The following SSH3 variants were observed in gnomAD, a reference collection of about 807,000 sequenced individuals.
SSH3 encodes slingshot protein phosphatase 3.
A neutral mutation model predicts 75.0 loss-of-function variants in SSH3; 67 were observed. The observed-to-expected ratio is 0.89, with a 90% CI of 0.73 to 1.10. The LOEUF is 1.10. SSH3 is among the 50% of genes least tolerant of loss of function. SSH3 has a pLI of 0.00. For missense variants in SSH3, 824 were observed against 872.7 expected, an observed-to-expected ratio of 0.94 and a Z score of 0.70; for synonymous variants, 318 against 349.2, an observed-to-expected ratio of 0.91 and a Z score of 1.00.
In SSH3 at chr11:67,306,969, G is replaced by C; in HGVS notation, c.464+7G>C. 1 of 1,612,404 alleles carries C rather than the reference G, an allele frequency of 6.2e-7. No homozygotes were observed. Among genetic ancestry groups the C allele is most frequent in the Non-Finnish European group, 8.5e-7 (1 of 1,178,586 alleles). On this transcript the variant is annotated splice_region_variant and intron_variant, in intron 4 of 13. Transcript: ENST00000308127. ...TGGATTTCCCTGACAGCAGGTTCGA[G>C]CAGGGAGAGGAAAGGAGGGGCAAAG...
chr11:67,303,534 G>A lies in SSH3; in HGVS notation c.-92G>A. On this transcript the variant is annotated 5_prime_UTR_variant, in exon 1 of 14. Coordinates refer to ENST00000308127, the MANE Select transcript of SSH3 (RefSeq NM_017857.4). ...GTGCCAGGCCCGGGTGGCGCCGTCCGTCCTTCCTGGTCCTGCGGGTCCAGG... is the reference window on the plus strand; with the variant it reads ...GTGCCAGGCCCGGGTGGCGCCGTCCATCCTTCCTGGTCCTGCGGGTCCAGG... 1.5e-6 allele frequency: 2 copies of A among 1,328,138 alleles called. No homozygotes were observed. The highest frequency in any genetic ancestry group is 2.0e-6 in the Non-Finnish European group (2 of 986,300). 82.3% of individuals were successfully genotyped at this position (1,328,138 alleles called of 1,614,324 possible).
chr11:67,307,179 G>A lies in SSH3; in HGVS notation c.536+66G>A. On this transcript the variant is annotated intron_variant, in intron 5 of 13. Transcript: ENST00000308127. The surrounding 1 kb of genome is among the most constrained non-coding windows in gnomAD (Gnocchi z 4.2). ...TAACTGAGTGTGACGGATGTGACGGGGCCTGGGCACCAGGGTACAGTAGAA... is the reference window on the plus strand; with the variant it reads ...TAACTGAGTGTGACGGATGTGACGGAGCCTGGGCACCAGGGTACAGTAGAA... 1 of 1,595,964 alleles carries A rather than the reference G, an allele frequency of 6.3e-7. No individual in the cohort carries two copies. Among genetic ancestry groups the A allele is most frequent in the Non-Finnish European group, 8.5e-7 (1 of 1,171,882 alleles).
rs1861276922 is a variant in SSH3 at position 67,307,430 on chromosome 11, C to T, written c.596C>T (p.Thr199Ile). 1.2e-6 allele frequency: 2 copies of T among 1,614,056 alleles called. No individual in the cohort carries two copies. The highest frequency in any genetic ancestry group is 2.2e-5 in the South Asian group (2 of 91,082). Residue 199 changes from threonine (T) to isoleucine (I), a missense_variant, in exon 6 of 14, where the codon ACC becomes ATC. Physicochemically the swap from Thr to Ile is moderately conservative, Grantham distance 89 (BLOSUM62 -1). Coordinates refer to ENST00000308127, the MANE Select transcript of SSH3 (RefSeq NM_017857.4). The surrounding 1 kb of genome is among the most constrained non-coding windows in gnomAD (Gnocchi z 4.2). ...SRIFKPISIQ[T>I]MWATLQVLHQ... ...ATCTTCAAGCCCATCTCCATCCAGA[C>T]CATGTGGTAAGGACAGAGACTGCCT...
chr11:67,304,333 C>T (rs1263191454), intron 2 of SSH3, among the ~76,000 whole-genome samples, 178 bp downstream of exon 2: 5 of 152,230 alleles, frequency 3.3e-5, no homozygotes, highest in East Asian at 1.9e-4. Flanking sequence ...GTAGGGCGGC[C>T]TTTGCCTTCA....
intron 3 of SSH3, among the ~76,000 whole-genome samples, chr11:67,305,430 C>T (rs931265466): frequency 3.9e-5 from 6 of 152,084 alleles, no homozygotes; most frequent in Admixed American, 2.0e-4. Flanking sequence ...CCTCGTGATC[C>T]GCCTGCCTCG....
At chr11:67,306,728 G>T in intron 3 of SSH3, 110 bp from the exon 4 acceptor site, 3 of 1,267,672 alleles carry the variant, frequency 2.4e-6, no homozygotes, top group Non-Finnish European at 3.2e-6. Context: ...GGGAAGAGGG[G>T]GGATGGGAGA....
chr11:67,306,896 C>T lies in SSH3; in HGVS notation c.398C>T (p.Thr133Ile), dbSNP rs200495091. Residue 133 changes from threonine to isoleucine, a missense_variant, in exon 4 of 14, where the codon ACA (threonine) becomes ATA (isoleucine). Coordinates refer to ENST00000308127, the MANE Select transcript of SSH3 (RefSeq NM_017857.4). The stretch of plus-strand genomic sequence containing the variant: ...CTCCGCTACCTGCTGGTAGTTTCTA[C>T]ACGAGAAGGAGAAGGTCTGAGCCAG... ...PRLRYLLVVS[T>I]REGEGLSQDE... 6.2e-7 allele frequency: 1 copy of T among 1,613,744 alleles called. No homozygotes were observed. The highest frequency in any genetic ancestry group is 1.1e-5 in the South Asian group (1 of 91,078).
At chr11:67,311,337 T>C (rs527648793) in intron 13 of SSH3, among the ~76,000 whole-genome samples, 1 of 152,042 alleles carries the variant, frequency 6.6e-6, no homozygotes, top group South Asian at 2.1e-4. Flanking sequence ...GGAGGGCTTC[T>C]GGGGGCCAGA....
In SSH3 at chr11:67,311,684, C is replaced by A. The variant is rs368033449; in HGVS notation, c.1777C>A (p.Pro593Thr). ...GGGAGGCCAGCAGGTGGACAGGGGG[C>A]CTCAGCCTGCCCTGAAGTCCCGCCA... ...TKGGQQVDRG[P>T]QPALKSRQSV... Residue 593 changes from proline (P) to threonine (T), a missense_variant, in exon 14 of 14, where the codon CCT becomes ACT. By Grantham distance (38) the Pro-to-Thr change is conservative. Transcript: ENST00000308127. 3.7e-6 allele frequency: 6 copies of A among 1,613,980 alleles called. No individual in the cohort carries two copies. The highest frequency in any genetic ancestry group is 4.2e-6 in the Non-Finnish European group (5 of 1,180,030).
At chr11:67,309,353 G>A in intron 10 of SSH3, 44 bp from the exon 11 acceptor site, 2 of 1,610,566 alleles carry the variant, frequency 1.2e-6, no homozygotes, top group South Asian at 2.2e-5. Context: ...AGTGGGCCTG[G>A]TACCTCTGCC....
At chr11:67,309,715 GGC>G in intron 11 of SSH3, 51 bp from the exon 12 acceptor site, 1 of 1,603,900 alleles carries the variant, frequency 6.2e-7, no homozygotes, top group Non-Finnish European at 8.5e-7. Context: ...CCCTGCAGGA[GGC>G]GGGATCCTTC....
chr11:67,309,314 A>G (rs1225254838), intron 10 of SSH3, 83 bp from the exon 11 acceptor site: 2 of 1,564,884 alleles, frequency 1.3e-6, no homozygotes, highest in Non-Finnish European at 1.7e-6. Flanking sequence ...AGCTAAAGCG[A>G]GGCCCAGGGG....
At chr11:67,303,931 CGCCCACCCAGCCGACCT>C (rs1861146079) in intron 1 of SSH3, 170 bp from the exon 2 acceptor site, 2 of 843,650 alleles carry the variant, frequency 2.4e-6, no homozygotes, top group Non-Finnish European at 3.4e-6. Flanking sequence ...CCACACTCGG[CGCCCACCCAGCCGACCT>C]GGCCTTGGGC....
At position 67,311,602 on chromosome 11, in the gene SSH3, C is replaced by T; in HGVS notation, c.1695C>T (p.Ser565=). 3 of 1,614,086 alleles carry T rather than the reference C, an allele frequency of 1.9e-6. No individual in the cohort carries two copies. Among genetic ancestry groups the T allele is most frequent in the Non-Finnish European group, 2.5e-6 (3 of 1,180,022 alleles). ...ETSDMPEVFS[S]HESSHEEPLQ... The stretch of plus-strand genomic sequence containing the variant: ...TCACACCTGTCCAGGTCTTCTCTTC[C>T]CACGAGTCTTCACATGAAGAGCCTC... The change falls in exon 14 of 14, where the codon TCC becomes TCT. Residue 565 remains serine, a synonymous_variant. Transcript: ENST00000308127.
At chr11:67,304,462 C>T (rs554018440) in intron 2 of SSH3, among the ~76,000 whole-genome samples, 6 of 152,356 alleles carry the variant, frequency 3.9e-5, no homozygotes, top group Admixed American at 2.6e-4. Flanking sequence ...GGTCCCCGAC[C>T]ATGTTCCCAG....
chr11:67,303,612 C>A lies in SSH3; in HGVS notation c.-14C>A. 5.3e-6 allele frequency: 8 copies of A among 1,518,328 alleles called. No homozygotes were observed. The highest frequency in any genetic ancestry group is 7.0e-6 in the Non-Finnish European group (8 of 1,139,572). The allele number at this position is 1,518,328 out of a possible 1,614,324, so 94.1% of individuals were successfully genotyped here. A position where few individuals can be genotyped will look rare whatever the true frequency, so the allele number is the denominator to read the frequency against. ...CGTGCCCGGTGCCAGCCCAGGTGCT[C>A]GCGGCCTGGCTCCATGGCCCTGGTC... On this transcript the variant is annotated 5_prime_UTR_variant, in exon 1 of 14. Coordinates refer to ENST00000308127, the MANE Select transcript of SSH3 (RefSeq NM_017857.4).
In SSH3 at chr11:67,304,043, C is replaced by A. The variant is rs1290752758; in HGVS notation, c.67-75C>A. 15 of 1,513,614 alleles carry A rather than the reference C, an allele frequency of 9.9e-6. No homozygotes were observed. In the African/African-American group the frequency reaches 1.7e-4, roughly 17 times the overall value. 93.8% of individuals were successfully genotyped at this position (1,513,614 alleles called of 1,614,324 possible). On this transcript the variant is annotated intron_variant, in intron 1 of 13. Transcript: ENST00000308127. ...TGGCGCCTTTTCTGGCCTCCCCCAACTCTAGAATTCCTGAGAGAGGGGAGG... is the reference window on the plus strand; with the variant it reads ...TGGCGCCTTTTCTGGCCTCCCCCAAATCTAGAATTCCTGAGAGAGGGGAGG...
At chr11:67,306,799 TG>T in intron 3 of SSH3, 38 bp from the exon 4 acceptor site, 2 of 1,578,958 alleles carry the variant, frequency 1.3e-6, no homozygotes, top group Non-Finnish European at 8.6e-7. Flanking sequence ...GCAGGGTCCT[TG>T]GGGCCACTGT....
chr11:67,306,282 C>G (rs1329054424), intron 3 of SSH3, among the ~76,000 whole-genome samples: 1 of 146,570 alleles, frequency 6.8e-6, no homozygotes, highest in East Asian at 2.0e-4. Context: ...GAGCAAGACT[C>G]CATTGCAAAA....
Sources: gnomAD v4.1 joint callset for allele counts (sites outside exome capture counted in the v4.1 genomes callset) on GRCh38, gnomAD v4.1.1 for gene constraint, Gnocchi (gnomAD v3.1) non-coding constraint, MANE v1.5 for transcripts, NCBI Gene and HGNC (gene_info 2026-07-23, HGNC 2026-07-21) for gene names.